Variants in KCNQ3 observed in about 807,000 individuals in gnomAD.
KCNQ3 encodes potassium voltage-gated channel subfamily Q member 3, also known as potassium voltage-gated channel subfamily KQT member 3.
A neutral mutation model predicts 92.5 loss-of-function variants in KCNQ3; 30 were observed. That is an observed-to-expected ratio of 0.32 (90% CI 0.24 to 0.44). The LOEUF (loss-of-function observed/expected upper bound fraction) is 0.44, where lower values mean the gene tolerates loss of function less well. Ranked by LOEUF, KCNQ3 falls within the 20% of genes least tolerant of loss-of-function variation. The probability of loss-of-function intolerance (pLI) is 1.00; values close to 1 mark genes in which losing one functional copy is unlikely to be tolerated. For missense variants in KCNQ3, 913 were observed against 1,140.3 expected (o/e 0.80, Z 2.87); for synonymous variants, 450 against 468.8 (o/e 0.96, Z 0.52).
chr8:132,349,381 G>A (rs543941674), intron 1 of KCNQ3, among the ~76,000 whole-genome samples: 53 of 152,302 alleles, frequency 3.5e-4, no homozygotes, highest in Admixed American at 8.5e-4. Context: ...TGAGAGATAC[G>A]CTGCATTTTT....
At chr8:132,184,214 G>C in intron 3 of KCNQ3, 27 bp downstream of exon 3, 1 of 1,613,964 alleles carries the variant, frequency 6.2e-7, no homozygotes, top group African/African-American at 1.3e-5. Context: ...AACTGAGGAG[G>C]CTGGGAGGCT....
intron 1 of KCNQ3, among the ~76,000 whole-genome samples, chr8:132,192,062 T>C (rs868755883): frequency 1.2e-4 from 19 of 152,178 alleles, no homozygotes; most frequent in African/African-American, 4.6e-4. Context: ...CAGGGCTGAA[T>C]ATCTAACTCT....
At chr8:132,251,919 A>G (rs1296113108) in intron 1 of KCNQ3, among the ~76,000 whole-genome samples, 1 of 152,230 alleles carries the variant, frequency 6.6e-6, no homozygotes, top group Non-Finnish European at 1.5e-5. Context: ...ACAAGTGGGA[A>G]GGACAGATGA....
intron 1 of KCNQ3, among the ~76,000 whole-genome samples, chr8:132,344,161 T>C (rs1489758035): frequency 1.3e-5 from 2 of 152,208 alleles, no homozygotes; most frequent in Admixed American, 6.5e-5. Context: ...GGTGATCTCA[T>C]CTGATTATAT....
At chr8:132,172,893 C>G (rs1826427503) in intron 6 of KCNQ3, among the ~76,000 whole-genome samples, 200 bp from the exon 7 acceptor site, 1 of 152,210 alleles carries the variant, frequency 6.6e-6, no homozygotes, top group South Asian at 2.1e-4. Flanking sequence ...TGAAATGAGC[C>G]TTGAAGTCAG....
intron 1 of KCNQ3, among the ~76,000 whole-genome samples, chr8:132,375,770 A>T (rs1441425380): frequency 1.3e-5 from 2 of 151,536 alleles, no homozygotes; most frequent in East Asian, 3.9e-4. Flanking sequence ...CTCCTGGCCC[A>T]CTCCTTTTCA....
At chr8:132,355,572 T>C (rs1275120263) in intron 1 of KCNQ3, among the ~76,000 whole-genome samples, 2 of 151,796 alleles carry the variant, frequency 1.3e-5, no homozygotes, top group Non-Finnish European at 2.9e-5. Flanking sequence ...AGAAGGTGAG[T>C]TTCAGTCTGG....
Position 132,129,412 on chromosome 8 carries a change from C to A in KCNQ3, c.2469G>T (p.Gly823=), listed in dbSNP as rs1824779603. Residue 823 remains glycine, a synonymous_variant, in exon 15 of 15, where the codon GGG becomes GGT. Transcript: ENST00000388996. The surrounding 1 kb of genome is among the most constrained non-coding windows in gnomAD (Gnocchi z 5.9). Reference sequence around the variant, plus strand: ...ACCGCTTCTCCCTCATCCAGCTCGACCCCCCATTGGGGCCGAACACATAAT... The same window carrying A: ...ACCGCTTCTCCCTCATCCAGCTCGAACCCCCATTGGGGCCGAACACATAAT... ...RDDYVFGPNG[G]SSWMREKRYL... 5.6e-6 allele frequency: 9 copies of A among 1,614,180 alleles called. No individual in the cohort carries two copies. Among genetic ancestry groups the A allele is most frequent in the Middle Eastern group, 1.6e-4 (1 of 6,062 alleles).
At chr8:132,319,818 A>C (rs1397189372) in intron 1 of KCNQ3, among the ~76,000 whole-genome samples, 1 of 152,174 alleles carries the variant, frequency 6.6e-6, no homozygotes, top group East Asian at 1.9e-4. Flanking sequence ...ATGTACAGGG[A>C]CATGGGGCCT....
At chr8:132,209,529 C>CCACA (rs1209259957) in intron 1 of KCNQ3, among the ~76,000 whole-genome samples, 4 of 112,728 alleles carry the variant, frequency 3.5e-5, no homozygotes, top group South Asian at 5.4e-4. Context: ...GTAATTCACA[C>CCACA]CACACACACA....
intron 1 of KCNQ3, among the ~76,000 whole-genome samples, chr8:132,438,885 C>CT (rs1464753642): frequency 2.0e-5 from 3 of 150,744 alleles, no homozygotes; most frequent in Non-Finnish European, 4.4e-5. Flanking sequence ...ATGAAGTGAC[C>CT]TTAAGGTCCA....
chr8:132,410,512 T>C (rs1820622221), intron 1 of KCNQ3, among the ~76,000 whole-genome samples: 1 of 152,220 alleles, frequency 6.6e-6, no homozygotes, highest in Non-Finnish European at 1.5e-5. Context: ...GAGTGGCTCA[T>C]GAGCGAGATC....
rs1160208978 is a variant in KCNQ3, at chr8:132,175,422, C to A, written c.933+31G>T. The A allele has an allele frequency of 1.9e-6, 3 of 1,612,976 alleles. No homozygotes were observed. In the African/African-American group the frequency reaches 4.0e-5, roughly 22 times the overall value. ...CTCTCTGACTCTTGACAGTCAATCTCACAGAATTGGCCTCCAAGGTAGTGA... is the reference window on the plus strand; with the variant it reads ...CTCTCTGACTCTTGACAGTCAATCTAACAGAATTGGCCTCCAAGGTAGTGA... On this transcript the variant is annotated intron_variant, in intron 5 of 14. Transcript: ENST00000388996.
intron 1 of KCNQ3, among the ~76,000 whole-genome samples, chr8:132,454,834 A>G (rs1329768495): frequency 6.6e-6 from 1 of 152,246 alleles, no homozygotes; most frequent in African/African-American, 2.4e-5. Context: ...ATACAATGTA[A>G]TATTATACAG....
chr8:132,324,647 G>A (rs1248837202), intron 1 of KCNQ3, among the ~76,000 whole-genome samples: 1 of 152,216 alleles, frequency 6.6e-6, no homozygotes, highest in Non-Finnish European at 1.5e-5. Context: ...CACATACTAT[G>A]TGCCAAGCAT....
At chr8:132,412,928 G>A (rs1820688703) in intron 1 of KCNQ3, among the ~76,000 whole-genome samples, 1 of 152,148 alleles carries the variant, frequency 6.6e-6, no homozygotes, top group African/African-American at 2.4e-5. Context: ...AGGCAGCCTC[G>A]ATGTCCCATC....
intron 1 of KCNQ3, among the ~76,000 whole-genome samples, chr8:132,390,701 G>A (rs1003248037): frequency 6.6e-6 from 1 of 152,134 alleles, no homozygotes; most frequent in Admixed American, 6.5e-5. Context: ...TCAGTTAAAT[G>A]AGTGCAATAA....
intron 9 of KCNQ3, among the ~76,000 whole-genome samples, chr8:132,155,183 A>G (rs1038400480): frequency 1.3e-5 from 2 of 152,124 alleles, no homozygotes; most frequent in Non-Finnish European, 1.5e-5. Flanking sequence ...TGCTCCTCCC[A>G]TCAGATTGTG....
chr8:132,157,842 C>T (rs1367274776), intron 9 of KCNQ3, among the ~76,000 whole-genome samples: 7 of 152,028 alleles, frequency 4.6e-5, no homozygotes, highest in African/African-American at 1.2e-4. Context: ...CCCCATCCAC[C>T]GACAGGCCCC....
Sources: allele counts gnomAD v4.1 joint callset (sites outside exome capture counted in the v4.1 genomes callset), GRCh38; gene constraint gnomAD v4.1.1; non-coding constraint Gnocchi (gnomAD v3.1); transcripts MANE v1.5; gene names NCBI Gene and HGNC (gene_info 2026-07-23, HGNC 2026-07-21).